RPS10: variants seen among roughly 807,000 people sequenced by gnomAD.
RPS10 encodes the protein small ribosomal subunit protein eS10.
RPS10 carries 2 observed loss-of-function variants against 22.6 expected under a neutral mutation model. That is an observed-to-expected ratio of 0.09 (90% CI 0.04 to 0.28). The LOEUF (loss-of-function observed/expected upper bound fraction) is 0.28. Ranked by LOEUF, RPS10 falls within the 10% of genes least tolerant of loss-of-function variation. RPS10 has a pLI of 1.00. For missense variants in RPS10, 137 were observed against 222.2 expected, an observed-to-expected ratio of 0.62 and a Z score of 2.44; for synonymous variants, 70 against 75.9, an observed-to-expected ratio of 0.92 and a Z score of 0.40.
intron 1 of RPS10, chr6:34,425,426 T>A (rs1165850896): frequency 9.5e-6 from 6 of 629,560 alleles, no homozygotes; most frequent in Non-Finnish European, 1.4e-5. Flanking sequence ...GTTGACAGTA[T>A]GTTAAAACCA....
intron 5 of RPS10, 140 bp downstream of exon 5, chr6:34,418,222 AAAATTTG>A (rs1765642927): frequency 3.9e-6 from 6 of 1,540,838 alleles, no homozygotes; most frequent in Non-Finnish European, 5.3e-6. Context: ...AACTCAATGT[AAAATTTG>A]GAATTTGGAA....
In RPS10 at chr6:34,421,818, C is replaced by G. The variant is rs1765779159; in HGVS notation, c.323-11G>C. The G allele has an allele frequency of 1.2e-6, 2 of 1,613,792 alleles. No individual in the cohort carries two copies. The highest frequency in any genetic ancestry group is 1.3e-5 in the African/African-American group (1 of 74,904). ...GCTCACCCTCCAGACCTATGTAAAT[C>G]AAACCACACTGTGAACACAGGGCAA... On this transcript the variant is annotated splice_polypyrimidine_tract_variant and intron_variant, in intron 3 of 5. Coordinates refer to ENST00000648437, the MANE Select transcript of RPS10 (RefSeq NM_001014.5).
chr6:34,424,676 C>G lies in RPS10; in HGVS notation c.315G>C (p.Arg105=). Residue 105 remains arginine (R), a synonymous_variant, in exon 3 of 6, where the codon CGG becomes CGC. Transcript: ENST00000648437. ...TTTGTGTGGGAACCATACCTTTAGG[C>G]CGAGGCCTGCCAGTCTCTGGACGGC... ...RRSRPETGRP[R]PKGLEGERPA... is the part of the protein sequence containing the mutation. 1.2e-6 allele frequency: 2 copies of G among 1,614,088 alleles called. No individual in the cohort carries two copies. The highest frequency in any genetic ancestry group is 1.7e-6 in the Non-Finnish European group (2 of 1,179,992).
At chr6:34,420,950 G>A (rs1277416137) in intron 4 of RPS10, among the ~76,000 whole-genome samples, 1 of 151,172 alleles carries the variant, frequency 6.6e-6, no homozygotes, top group Non-Finnish European at 1.5e-5. Context: ...AGAGCTTGCA[G>A]TGAGCTAAGA....
At chr6:34,418,857 C>T (rs920567266) in intron 4 of RPS10, among the ~76,000 whole-genome samples, 16 of 152,112 alleles carry the variant, frequency 1.1e-4, no homozygotes, top group African/African-American at 1.9e-4. Context: ...CAAATGGAGA[C>T]GTGTGCAAAA....
At chr6:34,421,865 A>T in intron 3 of RPS10, 58 bp from the exon 4 acceptor site, 1 of 1,604,644 alleles carries the variant, frequency 6.2e-7, no homozygotes, top group East Asian at 2.2e-5. Flanking sequence ...TGTCCCTTAA[A>T]GCCAAGAAAA....
intron 5 of RPS10, 120 bp downstream of exon 5, chr6:34,418,246 GGGA>G (rs1354313933): frequency 3.8e-6 from 6 of 1,563,284 alleles, no homozygotes; most frequent in Admixed American, 3.8e-5. Flanking sequence ...GGAAAAAAGT[GGGA>G]GGAGGGAACT....
intron 4 of RPS10, among the ~76,000 whole-genome samples, chr6:34,420,180 G>A (rs1765714816): frequency 6.6e-6 from 1 of 152,162 alleles, no homozygotes; most frequent in African/African-American, 2.4e-5. Context: ...AGAATAGGGG[G>A]AGGAAAGCAA....
At chr6:34,425,400 C>A (rs1765921441) in intron 1 of RPS10, 179 bp from the exon 2 acceptor site, 4 of 731,470 alleles carry the variant, frequency 5.5e-6, no homozygotes, top group Admixed American at 4.6e-5. Flanking sequence ...CCCCCAAACA[C>A]AATTCAGGTG....
intron 1 of RPS10, 61 bp downstream of exon 1, chr6:34,425,971 G>C (rs951460993): frequency 1.3e-5 from 2 of 152,948 alleles, no homozygotes; most frequent in African/African-American, 2.4e-5. Context: ...AGAAGCAGCC[G>C]CTAAGGCGGC....
rs1242610334 is a variant in RPS10 at position 34,424,612 on chromosome 6, C to T, written c.322+57G>A. The T allele has an allele frequency of 1.2e-5, 19 of 1,604,988 alleles. No homozygotes were observed. The East Asian group carries it at 1.8e-4, about 15-fold the overall frequency. Reference sequence around the variant, plus strand: ...GACATCAGCTAAGAATGCTTTTGTCCCTTACACAAAAGAAACTATCTTCAA... The same window carrying T: ...GACATCAGCTAAGAATGCTTTTGTCTCTTACACAAAAGAAACTATCTTCAA... On this transcript the variant is annotated intron_variant, in intron 3 of 5. Transcript: ENST00000648437.
chr6:34,425,208 T>C lies in RPS10; in HGVS notation c.14A>G (p.Lys5Arg). Residue 5 changes from lysine to arginine, a missense_variant, in exon 2 of 6, where the codon AAG becomes AGG. Transcript: ENST00000648437. MLMPKKNRIAIYELL... is the reference protein window; with the variant it reads MLMPRKNRIAIYELL... ...TTCATAAATGGCAATCCGGTTCTTC[T>C]TAGGCATCAACATCTGCAAGAAGGA... 1 of 1,610,970 alleles carries C rather than the reference T, an allele frequency of 6.2e-7. No individual in the cohort carries two copies. Among genetic ancestry groups the C allele is most frequent in the Non-Finnish European group, 8.5e-7 (1 of 1,178,744 alleles).
intron 4 of RPS10, among the ~76,000 whole-genome samples, chr6:34,419,726 A>G (rs1354285148): frequency 6.6e-6 from 1 of 151,876 alleles, no homozygotes; most frequent in Admixed American, 6.6e-5. Flanking sequence ...ACATGTGCAT[A>G]CCACCACGCT....
At chr6:34,423,743 G>A (rs999172609) in intron 3 of RPS10, among the ~76,000 whole-genome samples, 4 of 152,108 alleles carry the variant, frequency 2.6e-5, no homozygotes, top group African/African-American at 9.7e-5. Context: ...AATTAGCTGG[G>A]TGTCGCTCTG....
At chr6:34,422,310 T>C (rs1267890065) in intron 3 of RPS10, among the ~76,000 whole-genome samples, 1 of 152,010 alleles carries the variant, frequency 6.6e-6, no homozygotes, top group African/African-American at 2.4e-5. Flanking sequence ...AGGCAGAAAC[T>C]TTATTATTTA....
intron 1 of RPS10, chr6:34,425,498 G>A (rs28671566): frequency 9.6e-6 from 4 of 414,974 alleles, no homozygotes; most frequent in East Asian, 1.1e-4. Flanking sequence ...AAGGTCAATG[G>A]GGGGGAGAGG....
At chr6:34,420,787 A>G (rs2113798648) in intron 4 of RPS10, among the ~76,000 whole-genome samples, 1 of 152,028 alleles carries the variant, frequency 6.6e-6, no homozygotes, top group Non-Finnish European at 1.5e-5. Flanking sequence ...CGGGCGGATC[A>G]TGAGGTCAGG....
At chr6:34,418,214 C>G in intron 5 of RPS10, 155 bp downstream of exon 5, 1 of 1,537,882 alleles carries the variant, frequency 6.5e-7, no homozygotes, top group Non-Finnish European at 8.8e-7. Context: ...CATGCTACAA[C>G]TCAATGTAAA....
intron 5 of RPS10, 139 bp downstream of exon 5, chr6:34,418,230 G>C: frequency 1.9e-6 from 3 of 1,544,718 alleles, no homozygotes; most frequent in Non-Finnish European, 1.7e-6. Flanking sequence ...GTAAAATTTG[G>C]AATTTGGAAA....
Sources: allele counts gnomAD v4.1 joint callset (sites outside exome capture counted in the v4.1 genomes callset), GRCh38; gene constraint gnomAD v4.1.1; transcripts MANE v1.5; gene names NCBI Gene and HGNC (gene_info 2026-07-23, HGNC 2026-07-21).